COL9A1: variants seen among roughly 807,000 people sequenced by gnomAD.
COL9A1 encodes the protein collagen type IX alpha 1 chain.
Under a neutral mutation model 142.6 loss-of-function variants are expected in COL9A1, and 104 were observed. The ratio of observed to expected loss-of-function variants is 0.73; its 90% CI spans 0.62 to 0.86. COL9A1 has a LOEUF of 0.86. COL9A1 is among the 40% of genes least tolerant of loss of function. The pLI is 0.00. For synonymous variants in COL9A1, 466 were observed against 396.0 expected (o/e 1.18, Z -2.10); for missense variants, 1,210 against 1,176.6 (o/e 1.03, Z -0.42).
At chr6:70,300,273 A>G in intron 3 of COL9A1, 36 bp downstream of exon 3, 1 of 1,608,136 alleles carries the variant, frequency 6.2e-7, no homozygotes, top group Non-Finnish European at 8.5e-7. Flanking sequence ...GGTTTATAGA[A>G]AGCATGCATT....
Position 70,272,404 on chromosome 6 carries a change from G to T in COL9A1, c.1066-316C>A, listed in dbSNP as rs117607348. Among the ~76,000 whole-genome samples, 6,870 of 152,096 alleles carry T rather than the reference G, an allele frequency of 0.045. 244 individuals are homozygous for T. The highest frequency in any genetic ancestry group is 0.07 in the Non-Finnish European group (4,781 of 67,982). On this transcript the variant is annotated intron_variant, in intron 12 of 37. Coordinates refer to ENST00000357250, the MANE Select transcript of COL9A1 (RefSeq NM_001851.6). ...AGAACTTACCATAACTCACAAAGAGGTGCATCACAACTGGAGAGTTTACAG... is the reference window on the plus strand; with the variant it reads ...AGAACTTACCATAACTCACAAAGAGTTGCATCACAACTGGAGAGTTTACAG...
chr6:70,225,905 C>T, intron 37 of COL9A1, 27 bp downstream of exon 37: 3 of 1,596,854 alleles, frequency 1.9e-6, no homozygotes, highest in Non-Finnish European at 2.6e-6. Context: ...TCGCTACCTC[C>T]TCCTCTCAGC....
chr6:70,236,017 G>A (rs1411183480), intron 33 of COL9A1, among the ~76,000 whole-genome samples: 2 of 149,604 alleles, frequency 1.3e-5, no homozygotes, highest in African/African-American at 4.9e-5. Context: ...GGAGGCTGAG[G>A]CAGGAGAAAG....
At chr6:70,288,540 A>G (rs764405972) in intron 5 of COL9A1, among the ~76,000 whole-genome samples, 1 of 152,184 alleles carries the variant, frequency 6.6e-6, no homozygotes, top group African/African-American at 2.4e-5. Context: ...TGTGAAAGCC[A>G]AAGTACTAAC....
chr6:70,300,722 A>G (rs1024769871), intron 2 of COL9A1, among the ~76,000 whole-genome samples: 3 of 152,178 alleles, frequency 2.0e-5, no homozygotes, highest in African/African-American at 7.2e-5. Context: ...GAGGTTAGGC[A>G]TTTGTTCCTT....
intron 36 of COL9A1, among the ~76,000 whole-genome samples, chr6:70,231,111 CA>C (rs1361100897): frequency 1.3e-5 from 2 of 152,150 alleles, no homozygotes; most frequent in African/African-American, 4.8e-5. Flanking sequence ...GTTTCTGATT[CA>C]GTGGACTCAG....
chr6:70,260,237 C>T (rs553493954), intron 20 of COL9A1, among the ~76,000 whole-genome samples: 1 of 152,196 alleles, frequency 6.6e-6, no homozygotes, highest in South Asian at 2.1e-4. Flanking sequence ...ATCTACAAAG[C>T]ATCATAAAAT....
intron 4 of COL9A1, among the ~76,000 whole-genome samples, chr6:70,295,144 A>T (rs1474095483): frequency 6.6e-6 from 1 of 152,110 alleles, no homozygotes; most frequent in African/African-American, 2.4e-5. Flanking sequence ...GGACTTCAGG[A>T]GCTTCTTCAC....
intron 17 of COL9A1, among the ~76,000 whole-genome samples, chr6:70,267,327 G>GTTTTTTTGTTTT (rs1554241915): frequency 7.9e-6 from 1 of 127,032 alleles, no homozygotes; most frequent in African/African-American, 3.0e-5. Context: ...TGGTTTTTTT[G>GTTTTTTTGTTTT]TTTTTTTTTT....
chr6:70,232,514 G>A lies in COL9A1; in HGVS notation c.2503+69C>T, dbSNP rs74699744. 0.065 allele frequency: 99,834 copies of A among 1,531,896 alleles called. 3,667 individuals carry two copies. The highest frequency in any genetic ancestry group is 0.076 in the Non-Finnish European group (83,977 of 1,107,448). 94.9% of individuals were successfully genotyped at this position (1,531,896 alleles called of 1,614,324 possible). A position where few individuals can be genotyped will look rare whatever the true frequency, so the allele number is the denominator to read the frequency against. On this transcript the variant is annotated intron_variant, in intron 36 of 37. Transcript: ENST00000357250. ...GAAATTGGTAAAACATAAATTCCTC[G>A]AGCTTGATACAGATTATACATCTGA...
At chr6:70,272,875 G>C (rs1439693378) in intron 12 of COL9A1, among the ~76,000 whole-genome samples, 1 of 152,030 alleles carries the variant, frequency 6.6e-6, no homozygotes, top group Non-Finnish European at 1.5e-5. Context: ...CAGCTGCCTA[G>C]ATCTCTATTC....
At chr6:70,287,326 T>C (rs1773494379) in intron 5 of COL9A1, among the ~76,000 whole-genome samples, 1 of 152,116 alleles carries the variant, frequency 6.6e-6, no homozygotes, top group African/African-American at 2.4e-5. Flanking sequence ...TTTGGTATAT[T>C]ATTATTAAAT....
At chr6:70,245,095 A>G (rs1583245960) in intron 28 of COL9A1, among the ~76,000 whole-genome samples, 1 of 152,268 alleles carries the variant, frequency 6.6e-6, no homozygotes, top group East Asian at 1.9e-4. Context: ...GTAATTTTAC[A>G]GAAATCACCT....
intron 5 of COL9A1, among the ~76,000 whole-genome samples, chr6:70,292,764 C>T (rs899023526): frequency 6.6e-6 from 1 of 152,152 alleles, no homozygotes; most frequent in African/African-American, 2.4e-5. Flanking sequence ...CAGAAATGAA[C>T]AGCTATTTGC....
At chr6:70,294,022 C>A in intron 5 of COL9A1, 145 bp downstream of exon 5, 1 of 1,113,830 alleles carries the variant, frequency 9.0e-7, no homozygotes, top group Non-Finnish European at 1.3e-6. Context: ...TCCTCAAGAC[C>A]AGAAGCTATC....
intron 36 of COL9A1, among the ~76,000 whole-genome samples, chr6:70,227,875 G>C (rs1467253245): frequency 6.6e-6 from 1 of 152,022 alleles, no homozygotes; most frequent in African/African-American, 2.4e-5. Context: ...GCAAGTTCCA[G>C]AACACTTGCT....
Position 70,271,710 on chromosome 6 carries a change from T to G in COL9A1, c.1090-2A>C. 1.9e-6 allele frequency: 3 copies of G among 1,613,612 alleles called. No homozygotes were observed. The highest frequency in any genetic ancestry group is 2.5e-6 in the Non-Finnish European group (3 of 1,179,598). On this transcript the variant is annotated splice_acceptor_variant, in intron 13 of 37. Transcript: ENST00000357250. LOFTEE classifies it high-confidence loss of function. ...GAGTCCTGCTGTCCCAGGAGGACCC[T>G]GAAGTCAACAAATCAAAGCAAATGG...
At position 70,269,772 on chromosome 6, in the gene COL9A1, T is replaced by G. The variant is rs1772273076; in HGVS notation, c.1198-107A>C. On this transcript the variant is annotated intron_variant, in intron 15 of 37. Transcript: ENST00000357250. ...AAAAGTATAAAATATATTTGTTTAA[T>G]AAAATATAAGAAACCAGATAATATG... The G allele has an allele frequency of 1.4e-5, 10 of 722,438 alleles. No individual in the cohort carries two copies. The Admixed American group carries it at 1.4e-4, about 10-fold the overall frequency. 44.8% of individuals were successfully genotyped at this position (722,438 alleles called of 1,614,324 possible).
At chr6:70,235,010 A>C in intron 33 of COL9A1, 70 bp from the exon 34 acceptor site, 3 of 1,599,562 alleles carry the variant, frequency 1.9e-6, no homozygotes, top group South Asian at 2.2e-5. Context: ...TACTCATATA[A>C]ACACTTATAT....
Sources: allele counts gnomAD v4.1 joint callset (sites outside exome capture counted in the v4.1 genomes callset), GRCh38; gene constraint gnomAD v4.1.1; transcripts MANE v1.5; gene names NCBI Gene and HGNC (gene_info 2026-07-23, HGNC 2026-07-21).